CDK19: variants seen among roughly 807,000 people sequenced by gnomAD.
CDK19 encodes the protein cyclin dependent kinase 19, also known as cyclin-dependent kinase 19.
CDK19 carries 20 observed loss-of-function variants against 68.3 expected under a neutral mutation model. The observed-to-expected ratio is 0.29, with a 90% CI of 0.21 to 0.43. CDK19 has a LOEUF of 0.43. Ranked by LOEUF, CDK19 falls within the 20% of genes least tolerant of loss-of-function variation. CDK19 has a pLI of 1.00. For synonymous variants in CDK19, 221 were observed against 222.8 expected, an observed-to-expected ratio of 0.99 and a Z score of 0.07; for missense variants, 339 against 623.5, an observed-to-expected ratio of 0.54 and a Z score of 4.86.
At chr6:110,625,481 T>C (rs375541138) in intron 8 of CDK19, among the ~76,000 whole-genome samples, 4 of 152,158 alleles carry the variant, frequency 2.6e-5, no homozygotes, top group African/African-American at 4.8e-5. Context: ...TCCATTTTAT[T>C]GTACCCTTGC....
At chr6:110,655,937 T>G (rs1440000633) in intron 4 of CDK19, among the ~76,000 whole-genome samples, 1 of 152,222 alleles carries the variant, frequency 6.6e-6, no homozygotes, top group Non-Finnish European at 1.5e-5. Context: ...CCTCTTCTTT[T>G]ACTACTTCTT....
Position 110,815,062 on chromosome 6 carries a change from G to A in CDK19, c.75C>T (p.Cys25=). 3.1e-6 allele frequency: 5 copies of A among 1,606,054 alleles called. No homozygotes were observed. The highest frequency in any genetic ancestry group is 2.3e-5 in the East Asian group (1 of 43,590). The change falls in exon 1 of 13, where the codon TGC becomes TGT. Residue 25 remains cysteine (C), a synonymous_variant. Transcript: ENST00000368911. ...GACCGTAGGTGCCGCGTCCCACTTT[G>A]CACCCTTCGTACTCAAACAAATCCT... The part of the protein sequence containing the change: ...RVEDLFEYEG[C]KVGRGTYGHV...
intron 2 of CDK19, among the ~76,000 whole-genome samples, chr6:110,695,816 A>G (rs1773428100): frequency 6.6e-6 from 1 of 152,124 alleles, no homozygotes; most frequent in African/African-American, 2.4e-5. Context: ...AACTCTGAAC[A>G]GACCAATAAC....
chr6:110,690,064 G>A (rs189371508), intron 2 of CDK19, among the ~76,000 whole-genome samples: 1 of 151,252 alleles, frequency 6.6e-6, no homozygotes, highest in East Asian at 1.9e-4. Flanking sequence ...CAACAGTCAG[G>A]TGGCCCTGGT....
chr6:110,710,449 G>A (rs1488559489), intron 2 of CDK19, among the ~76,000 whole-genome samples: 1 of 152,212 alleles, frequency 6.6e-6, no homozygotes, highest in Non-Finnish European at 1.5e-5. Flanking sequence ...AAAAGACATA[G>A]CAAGCCTAAA....
At chr6:110,755,385 T>A (rs932194513) in intron 1 of CDK19, among the ~76,000 whole-genome samples, 2 of 151,998 alleles carry the variant, frequency 1.3e-5, no homozygotes, top group Non-Finnish European at 2.9e-5. Flanking sequence ...AAGGGTACAA[T>A]CTAATAAATG....
At chr6:110,697,591 C>T (rs907436968) in intron 2 of CDK19, among the ~76,000 whole-genome samples, 4 of 151,668 alleles carry the variant, frequency 2.6e-5, no homozygotes, top group Non-Finnish European at 2.9e-5. Flanking sequence ...TTGCCAAAAG[C>T]GATCCATAAA....
intron 2 of CDK19, among the ~76,000 whole-genome samples, chr6:110,704,926 T>TTAG (rs1774313251): frequency 6.6e-6 from 1 of 152,192 alleles, no homozygotes; most frequent in African/African-American, 2.4e-5. Context: ...TGAATAGGAT[T>TTAG]TAGTAATTGA....
intron 2 of CDK19, among the ~76,000 whole-genome samples, chr6:110,686,305 TG>T (rs1424313964): frequency 3.3e-5 from 5 of 152,186 alleles, no homozygotes; most frequent in Non-Finnish European, 5.9e-5. Flanking sequence ...TTAGGAAGTG[TG>T]CCTTATTGGA....
chr6:110,693,904 T>TA (rs1308829534), intron 2 of CDK19, among the ~76,000 whole-genome samples: 1 of 151,820 alleles, frequency 6.6e-6, no homozygotes, highest in South Asian at 2.1e-4. Context: ...GAAGGGGAGA[T>TA]AAAGTATTTT....
intron 1 of CDK19, among the ~76,000 whole-genome samples, chr6:110,763,589 A>G (rs1053492786): frequency 6.6e-6 from 1 of 151,816 alleles, no homozygotes; most frequent in Non-Finnish European, 1.5e-5. Flanking sequence ...CTAATTTTGT[A>G]TTTTTAGTAC....
At chr6:110,666,357 G>A (rs1319421596) in intron 4 of CDK19, among the ~76,000 whole-genome samples, 11 of 147,026 alleles carry the variant, frequency 7.5e-5, no homozygotes, top group East Asian at 2.0e-4. Flanking sequence ...CCCAGGAGGC[G>A]GAGGTTGCAG....
In CDK19 at chr6:110,623,927, G is replaced by GTA. The variant is rs140041900; in HGVS notation, c.861-567_861-566dup. Among the ~76,000 whole-genome samples, 49 of 144,582 alleles carry GTA rather than the reference G, an allele frequency of 3.4e-4. 1 individual carries two copies. The East Asian group carries it at 4.0e-3, about 12-fold the overall frequency. 94.9% of individuals were successfully genotyped at this position (144,582 alleles called of 152,430 possible). A position where few individuals can be genotyped will look rare whatever the true frequency, so the allele number is the denominator to read the frequency against. Reference sequence around the variant, plus strand: ...TATATATACGTATATATATATACGTGTATATATATATATGTGTGTATATAT... The same window carrying GTA: ...TATATATACGTATATATATATACGTGTATATATATATATATGTGTGTATATAT... On this transcript the variant is annotated intron_variant, in intron 8 of 12. Coordinates refer to ENST00000368911, the MANE Select transcript of CDK19 (RefSeq NM_015076.5).
intron 2 of CDK19, among the ~76,000 whole-genome samples, chr6:110,722,990 A>T (rs1044776483): frequency 2.6e-5 from 4 of 152,174 alleles, no homozygotes; most frequent in Admixed American, 1.3e-4. Flanking sequence ...TGGTCACAAC[A>T]GTATCTTTGT....
At chr6:110,707,977 T>A (rs1774650481) in intron 2 of CDK19, among the ~76,000 whole-genome samples, 1 of 152,074 alleles carries the variant, frequency 6.6e-6, no homozygotes, top group African/African-American at 2.4e-5. Context: ...GACTCAAAAA[T>A]AAATAAATAG....
At chr6:110,689,464 G>A (rs1315553523) in intron 2 of CDK19, among the ~76,000 whole-genome samples, 2 of 152,182 alleles carry the variant, frequency 1.3e-5, no homozygotes, top group Non-Finnish European at 2.9e-5. Flanking sequence ...TCTCTTGCAA[G>A]CGTCACTTCC....
intron 5 of CDK19, among the ~76,000 whole-genome samples, chr6:110,634,651 T>C (rs1779649785): frequency 6.6e-6 from 1 of 152,254 alleles, no homozygotes; most frequent in African/African-American, 2.4e-5. Context: ...TTAAACTACA[T>C]TTCCCTACAG....
At chr6:110,675,465 G>A (rs553663477) in intron 2 of CDK19, among the ~76,000 whole-genome samples, 374 of 151,780 alleles carry the variant, frequency 2.5e-3, no homozygotes, top group African/African-American at 6.9e-3. Context: ...CTGCCTCTAC[G>A]AAAAATACAA....
intron 4 of CDK19, chr6:110,646,498 C>A: frequency 7.1e-7 from 1 of 1,410,740 alleles, no homozygotes. Context: ...TCTGTGCCAG[C>A]GTGGTGCCCT....
Sources: gnomAD v4.1 joint callset for allele counts (sites outside exome capture counted in the v4.1 genomes callset) on GRCh38, gnomAD v4.1.1 for gene constraint, MANE v1.5 for transcripts, NCBI Gene and HGNC (gene_info 2026-07-23, HGNC 2026-07-21) for gene names.